Variants in CNTN6 observed in about 807,000 individuals in gnomAD.
The protein encoded by CNTN6 is contactin-6.
A neutral mutation model predicts 122.8 loss-of-function variants in CNTN6; 137 were observed. The ratio of observed to expected loss-of-function variants is 1.12; its 90% CI spans 0.97 to 1.29. The LOEUF is 1.29. Ranked by LOEUF, CNTN6 falls within the 50% of genes most tolerant of loss-of-function variation. The pLI is 0.00. For synonymous variants in CNTN6, 570 were observed against 426.0 expected (o/e 1.34, Z -4.16); for missense variants, 1,634 against 1,223.4 (o/e 1.34, Z -5.01).
intron 5 of CNTN6, among the ~76,000 whole-genome samples, chr3:1,286,162 G>A (rs573800099): frequency 6.6e-6 from 1 of 152,266 alleles, no homozygotes; most frequent in African/African-American, 2.4e-5. Flanking sequence ...GTGGCAGTAG[G>A]GCCAGATGTT....
intron 4 of CNTN6, among the ~76,000 whole-genome samples, chr3:1,249,239 T>C (rs1215234968): frequency 1.3e-5 from 2 of 152,158 alleles, no homozygotes; most frequent in Non-Finnish European, 2.9e-5. Context: ...CAAATGGTAA[T>C]TGGTATTTCC....
At chr3:1,165,517 T>A (rs1476898537) in intron 2 of CNTN6, among the ~76,000 whole-genome samples, 2 of 152,134 alleles carry the variant, frequency 1.3e-5, no homozygotes, top group South Asian at 2.1e-4. Flanking sequence ...ACTTTTTTCC[T>A]ACCTTTCTTC....
intron 7 of CNTN6, among the ~76,000 whole-genome samples, chr3:1,311,844 C>T (rs892223633): frequency 6.6e-6 from 1 of 151,682 alleles, no homozygotes; most frequent in Non-Finnish European, 1.5e-5. Context: ...ATTAAACAGT[C>T]CTCTGCACCC....
At chr3:1,167,703 G>A (rs1002601921) in intron 2 of CNTN6, among the ~76,000 whole-genome samples, 1 of 152,152 alleles carries the variant, frequency 6.6e-6, no homozygotes, top group Admixed American at 6.5e-5. Flanking sequence ...CCAAGGTACA[G>A]AGTGAGCCAG....
chr3:1,191,383 T>C (rs776932773), intron 2 of CNTN6, among the ~76,000 whole-genome samples: 133 of 152,056 alleles, frequency 8.7e-4, no homozygotes, highest in Non-Finnish European at 1.1e-3. Flanking sequence ...AGGTTAATAA[T>C]TAATAATGTC....
intron 2 of CNTN6, among the ~76,000 whole-genome samples, chr3:1,181,519 T>G (rs919906241): frequency 1.2e-4 from 18 of 152,184 alleles, no homozygotes; most frequent in African/African-American, 4.3e-4. Context: ...GTTTGTGTAT[T>G]TTTAATGAGC....
At chr3:1,201,464 G>A (rs1245997271) in intron 2 of CNTN6, among the ~76,000 whole-genome samples, 1 of 120,754 alleles carries the variant, frequency 8.3e-6, no homozygotes, top group Non-Finnish European at 1.6e-5. Flanking sequence ...ACATATAACA[G>A]AGAGTTGTCA....
intron 9 of CNTN6, among the ~76,000 whole-genome samples, chr3:1,327,184 A>C (rs1458820364): frequency 6.6e-6 from 1 of 151,880 alleles, no homozygotes; most frequent in East Asian, 1.9e-4. Context: ...TACTATGTAT[A>C]CCAAATAACA....
intron 19 of CNTN6, 145 bp downstream of exon 19, chr3:1,383,553 G>C (rs1692270503): frequency 1.6e-6 from 1 of 627,976 alleles, no homozygotes; most frequent in Non-Finnish European, 2.8e-6. Flanking sequence ...AGTTGAGACA[G>C]GGTAGGTGAG....
chr3:1,219,506 C>T (rs975483538), intron 2 of CNTN6, among the ~76,000 whole-genome samples: 1 of 152,116 alleles, frequency 6.6e-6, no homozygotes, highest in Non-Finnish European at 1.5e-5. Flanking sequence ...TATTTTTGAA[C>T]ATCTTTATAG....
intron 1 of CNTN6, among the ~76,000 whole-genome samples, chr3:1,138,245 C>A (rs2092528972): frequency 6.6e-6 from 1 of 152,148 alleles, no homozygotes; most frequent in African/African-American, 2.4e-5. Context: ...GGCCACCATG[C>A]TTTTATTAAT....
At chr3:1,388,243 G>T (rs576097395) in intron 20 of CNTN6, among the ~76,000 whole-genome samples, 6 of 149,314 alleles carry the variant, frequency 4.0e-5, no homozygotes, top group South Asian at 2.1e-4. Flanking sequence ...TCCTCAAGTG[G>T]GTCCCTGACC....
chr3:1,164,783 A>G (rs60685826), intron 2 of CNTN6, among the ~76,000 whole-genome samples: 2,912 of 152,226 alleles, frequency 0.019, 76 homozygotes, highest in African/African-American at 0.065. Context: ...CCCCTTTTGA[A>G]CCTTACAGAA....
intron 2 of CNTN6, among the ~76,000 whole-genome samples, chr3:1,198,724 C>CA (rs5846095): frequency 0.01 from 1,451 of 139,468 alleles, 27 homozygotes; most frequent in African/African-American, 0.029. Context: ...CTGTCTCAAA[C>CA]AAAAAAAAAA....
At chr3:1,253,006 C>A (rs991821540) in intron 4 of CNTN6, among the ~76,000 whole-genome samples, 3 of 152,196 alleles carry the variant, frequency 2.0e-5, no homozygotes, top group Non-Finnish European at 4.4e-5. Flanking sequence ...TTTTCTTCCT[C>A]TGAACTGCTA....
chr3:1,327,334 T>G, intron 9 of CNTN6, 123 bp from the exon 10 acceptor site: 1 of 1,034,760 alleles, frequency 9.7e-7, no homozygotes. Context: ...AATCTAGTAG[T>G]GTATTAATAC....
rs1692263888 is a variant in CNTN6 at position 1,383,511 on chromosome 3, T to C, written c.2517+103T>C. 7.1e-6 allele frequency: 6 copies of C among 847,224 alleles called. No homozygotes were observed. The South Asian group carries it at 9.1e-5, about 13-fold the overall frequency. The allele number at this position is 847,224 out of a possible 1,614,324, so 52.5% of individuals were successfully genotyped here. A position where few individuals can be genotyped will look rare whatever the true frequency, so the allele number is the denominator to read the frequency against. On this transcript the variant is annotated intron_variant, in intron 19 of 22. Transcript: ENST00000446702. ...CTACTAGCCTGTTGTTAGCATATGATAATGTGTGTCTAAAGCTAAAGCAGA... is the reference window on the plus strand; with the variant it reads ...CTACTAGCCTGTTGTTAGCATATGACAATGTGTGTCTAAAGCTAAAGCAGA...
chr3:1,179,392 G>C (rs977211357), intron 2 of CNTN6, among the ~76,000 whole-genome samples: 4 of 152,094 alleles, frequency 2.6e-5, no homozygotes, highest in African/African-American at 7.2e-5. Flanking sequence ...ATCACTGTTA[G>C]ATGTCACTGG....
At chr3:1,222,559 T>G (rs1227989995) in intron 3 of CNTN6, among the ~76,000 whole-genome samples, 1 of 123,254 alleles carries the variant, frequency 8.1e-6, no homozygotes, top group Non-Finnish European at 1.6e-5. Context: ...CTAATTAGTT[T>G]TATCTGTGAA....
Sources: allele counts gnomAD v4.1 joint callset (sites outside exome capture counted in the v4.1 genomes callset), GRCh38; gene constraint gnomAD v4.1.1; transcripts MANE v1.5; gene names NCBI Gene and HGNC (gene_info 2026-07-23, HGNC 2026-07-21).